Variants in DYNC1I1 observed in about 807,000 individuals in gnomAD.
DYNC1I1 encodes the protein dynein cytoplasmic 1 intermediate chain 1.
Under a neutral mutation model 86.6 loss-of-function variants are expected in DYNC1I1, and 43 were observed. That is an observed-to-expected ratio of 0.50 (90% confidence interval 0.39 to 0.64). DYNC1I1 has a LOEUF of 0.64. Ranked by LOEUF, DYNC1I1 falls within the 30% of genes least tolerant of loss-of-function variation. DYNC1I1 has a pLI of 0.00. For missense variants in DYNC1I1, 604 were observed against 788.8 expected (o/e 0.77, Z 2.81); for synonymous variants, 262 against 283.7 (o/e 0.92, Z 0.77).
chr7:95,838,295 A>T (rs1306401751), intron 5 of DYNC1I1, among the ~76,000 whole-genome samples: 1 of 152,142 alleles, frequency 6.6e-6, no homozygotes, highest in African/African-American at 2.4e-5. Context: ...AATTGAAGAG[A>T]CTATCATTTT....
chr7:96,084,442 C>CTTTT (rs11369815), intron 16 of DYNC1I1, among the ~76,000 whole-genome samples: 2 of 124,742 alleles, frequency 1.6e-5, no homozygotes, highest in African/African-American at 5.9e-5. Context: ...TTTTTCTTTT[C>CTTTT]TTTTTTTTTT....
chr7:96,097,712 G>A lies in DYNC1I1; in HGVS notation c.*119G>A. Reference sequence around the variant, plus strand: ...TCAGTATTGCTGTGATATTTTGGGTGCCATATTGTGCCAGCTTTGCTCCAA... The same window carrying A: ...TCAGTATTGCTGTGATATTTTGGGTACCATATTGTGCCAGCTTTGCTCCAA... On this transcript the variant is annotated 3_prime_UTR_variant, in exon 17 of 17. Coordinates refer to ENST00000447467, the MANE Select transcript of DYNC1I1 (RefSeq NM_001135556.2). 6.9e-7 allele frequency: 1 copy of A among 1,439,184 alleles called. No homozygotes were observed. The highest frequency in any genetic ancestry group is 9.2e-7 in the Non-Finnish European group (1 of 1,086,472). 89.2% of individuals were successfully genotyped at this position (1,439,184 alleles called of 1,614,324 possible).
intron 14 of DYNC1I1, among the ~76,000 whole-genome samples, chr7:96,040,688 G>T (rs770491586): frequency 1.3e-5 from 2 of 151,732 alleles, no homozygotes; most frequent in Non-Finnish European, 2.9e-5. Context: ...GTATGCACTA[G>T]AATAGCAGTG....
intron 10 of DYNC1I1, among the ~76,000 whole-genome samples, chr7:96,011,037 G>C (rs1032162354): frequency 2.0e-5 from 3 of 152,140 alleles, no homozygotes; most frequent in Non-Finnish European, 2.9e-5. Flanking sequence ...TGGCCTGATT[G>C]CCTCGGGAAA....
chr7:95,798,710 G>A (rs949716267), intron 1 of DYNC1I1, among the ~76,000 whole-genome samples: 2 of 152,138 alleles, frequency 1.3e-5, no homozygotes, highest in African/African-American at 4.8e-5. Flanking sequence ...TTAGACAACC[G>A]AAAGGAAATA....
chr7:96,092,171 A>T (rs1790867537), intron 16 of DYNC1I1, among the ~76,000 whole-genome samples: 1 of 135,726 alleles, frequency 7.4e-6, no homozygotes, highest in Non-Finnish European at 1.7e-5. Context: ...GTGATAAAAT[A>T]TAAGGTATAC....
At chr7:95,826,881 G>A (rs1795213633) in intron 4 of DYNC1I1, among the ~76,000 whole-genome samples, 1 of 152,188 alleles carries the variant, frequency 6.6e-6, no homozygotes, top group Non-Finnish European at 1.5e-5. Context: ...AATGGTTAGA[G>A]AGAAGTTTGG....
intron 10 of DYNC1I1, among the ~76,000 whole-genome samples, chr7:95,998,986 G>T (rs1350645755): frequency 2.0e-5 from 3 of 152,222 alleles, no homozygotes; most frequent in African/African-American, 7.2e-5. Context: ...GTCACAGGCA[G>T]TTTTTGTGTC....
intron 6 of DYNC1I1, among the ~76,000 whole-genome samples, chr7:95,884,323 A>T (rs1444081710): frequency 6.6e-6 from 1 of 152,172 alleles, no homozygotes; most frequent in Non-Finnish European, 1.5e-5. Context: ...GGTAAGAGAG[A>T]TGAGCTCAGA....
intron 16 of DYNC1I1, among the ~76,000 whole-genome samples, chr7:96,082,025 A>G (rs1049827052): frequency 2.0e-5 from 3 of 152,194 alleles, no homozygotes; most frequent in Non-Finnish European, 4.4e-5. Flanking sequence ...AACTCTGTTA[A>G]TATTGGCCCC....
chr7:96,105,278 CTTCTTTTCCAATCTTATCT>C (rs566729950), intron 16 of DYNC1I1, among the ~76,000 whole-genome samples: 1 of 151,776 alleles, frequency 6.6e-6, no homozygotes, highest in East Asian at 1.9e-4. Flanking sequence ...AAGTTTAATT[CTTCTTTTCCAATCTTATCT>C]TTTTTCCTCC....
chr7:96,060,255 A>T (rs187159330), intron 14 of DYNC1I1, among the ~76,000 whole-genome samples: 24 of 152,122 alleles, frequency 1.6e-4, no homozygotes, highest in African/African-American at 5.5e-4. Flanking sequence ...TTACATATTC[A>T]TGGTTCCTGG....
chr7:96,063,099 GTATATATA>G lies in DYNC1I1; in HGVS notation c.1510-12956_1510-12949del, dbSNP rs201506783. On this transcript the variant is annotated intron_variant, in intron 14 of 16. Transcript: ENST00000447467. ...TATATGTGTATGTGTGTGTGTGTGT[GTATATATA>G]TGTGTGTGTGTGTGTGTGTGTGTGT... Among the ~76,000 whole-genome samples, 10 of 139,756 alleles carry G rather than the reference GTATATATA, an allele frequency of 7.2e-5. 1 individual carries two copies. In the South Asian group the frequency reaches 9.6e-4, roughly 13 times the overall value. 91.7% of individuals were successfully genotyped at this position (139,756 alleles called of 152,430 possible). A position where few individuals can be genotyped will look rare whatever the true frequency, so the allele number is the denominator to read the frequency against.
chr7:96,064,542 C>T lies in DYNC1I1; in HGVS notation c.1510-11515C>T, dbSNP rs1789899483. 2.0e-5 allele frequency among the ~76,000 whole-genome samples: 3 copies of T among 152,122 alleles called. No homozygotes were observed. In the South Asian group the frequency reaches 6.2e-4, roughly 32 times the overall value. The stretch of plus-strand genomic sequence containing the variant: ...TGAAATCTTTGCCATGACTGGGCAG[C>T]AAATGTGACCTTCATCAGAGGTTAC... On this transcript the variant is annotated intron_variant, in intron 14 of 16. Transcript: ENST00000447467.
intron 10 of DYNC1I1, among the ~76,000 whole-genome samples, chr7:96,027,438 C>G (rs1390978377): frequency 2.6e-5 from 4 of 152,136 alleles, no homozygotes; most frequent in African/African-American, 7.2e-5. Context: ...AATGTACTGC[C>G]CAGTAGTCTT....
chr7:96,075,320 A>G (rs1019098567), intron 14 of DYNC1I1, among the ~76,000 whole-genome samples: 4 of 138,950 alleles, frequency 2.9e-5, no homozygotes, highest in African/African-American at 5.8e-5. Flanking sequence ...CCAAAAGTCA[A>G]TTTTGGGGGT....
chr7:95,899,106 C>T (rs1369966767), intron 6 of DYNC1I1, among the ~76,000 whole-genome samples: 2 of 152,016 alleles, frequency 1.3e-5, no homozygotes, highest in African/African-American at 2.4e-5. Context: ...AAGTCTCAGA[C>T]CTTGTTTTGA....
At chr7:96,094,249 G>C (rs1018883791) in intron 16 of DYNC1I1, among the ~76,000 whole-genome samples, 2 of 152,160 alleles carry the variant, frequency 1.3e-5, no homozygotes, top group African/African-American at 4.8e-5. Flanking sequence ...GATTGAATGA[G>C]TATTGAATAC....
chr7:95,884,874 C>T (rs1790552875), intron 6 of DYNC1I1, among the ~76,000 whole-genome samples: 1 of 151,860 alleles, frequency 6.6e-6, no homozygotes, highest in African/African-American at 2.4e-5. Context: ...TCCTCAACCT[C>T]AGTAAAAGCT....
Sources: allele counts gnomAD v4.1 joint callset (sites outside exome capture counted in the v4.1 genomes callset), GRCh38; gene constraint gnomAD v4.1.1; transcripts MANE v1.5; gene names NCBI Gene and HGNC (gene_info 2026-07-23, HGNC 2026-07-21).